Variants in MIER3 observed in about 807,000 individuals in gnomAD.
MIER3 encodes MIER family member 3, also known as mesoderm induction early response protein 3.
MIER3 carries 9 observed loss-of-function variants against 63.2 expected under a neutral mutation model. That is an observed-to-expected ratio of 0.14 (90% confidence interval 0.09 to 0.25). The LOEUF is 0.25. MIER3 is among the 10% of genes least tolerant of loss of function. The pLI, the probability that MIER3 is intolerant of heterozygous loss-of-function variation, is 1.00. For synonymous variants in MIER3, 205 were observed against 224.9 expected (o/e 0.91, Z 0.79); for missense variants, 512 against 666.2 (o/e 0.77, Z 2.55).
At chr5:56,933,087 A>G (rs1750328023) in intron 8 of MIER3, among the ~76,000 whole-genome samples, 160 bp downstream of exon 8, 2 of 152,240 alleles carry the variant, frequency 1.3e-5, no homozygotes, top group African/African-American at 4.8e-5. Flanking sequence ...AGTTATCTCT[A>G]GAACTCAAGG....
chr5:56,929,151 T>G (rs139664556), intron 9 of MIER3: 3 of 250,238 alleles, frequency 1.2e-5, no homozygotes, highest in African/African-American at 6.6e-5. Context: ...AAGTTTTCTA[T>G]AACATGCCTG....
chr5:56,951,827 G>A (rs1436393340), intron 1 of MIER3, among the ~76,000 whole-genome samples: 1 of 151,386 alleles, frequency 6.6e-6, no homozygotes, highest in Non-Finnish European at 1.5e-5. Context: ...GCAGCCGGCC[G>A]CCACCTCCGT....
rs538307895 is a variant in MIER3 at position 56,939,863 on chromosome 5, T to C, written c.181-846A>G. Reference sequence around the variant, plus strand: ...GCACATACAGCTGTGGTAGGAATAATATGCTACACCATATAGCCTAGGTGT... The same window carrying C: ...GCACATACAGCTGTGGTAGGAATAACATGCTACACCATATAGCCTAGGTGT... On this transcript the variant is annotated intron_variant, in intron 3 of 12. Transcript: ENST00000381199. Among the ~76,000 whole-genome samples, 5 of 152,320 alleles carry C rather than the reference T, an allele frequency of 3.3e-5. No individual in the cohort carries two copies. In the East Asian group the frequency reaches 9.6e-4, roughly 29 times the overall value.
intron 5 of MIER3, among the ~76,000 whole-genome samples, chr5:56,937,180 A>G (rs1337810236): frequency 1.3e-5 from 2 of 152,092 alleles, no homozygotes; most frequent in Admixed American, 6.5e-5. Flanking sequence ...GGTTCAAGTG[A>G]TTCTCGTGCC....
At chr5:56,943,463 G>C (rs1750721506) in intron 3 of MIER3, among the ~76,000 whole-genome samples, 1 of 152,100 alleles carries the variant, frequency 6.6e-6, no homozygotes, top group East Asian at 1.9e-4. Flanking sequence ...ACATGTGAGG[G>C]AGACAGGAGG....
At chr5:56,939,727 G>A (rs1252979321) in intron 3 of MIER3, among the ~76,000 whole-genome samples, 1 of 152,118 alleles carries the variant, frequency 6.6e-6, no homozygotes, top group Non-Finnish European at 1.5e-5. Context: ...CCTACGCCAT[G>A]CCTCACAGTG....
chr5:56,950,146 C>CTT (rs1750968803), intron 2 of MIER3, among the ~76,000 whole-genome samples: 1 of 152,210 alleles, frequency 6.6e-6, no homozygotes, highest in African/African-American at 2.4e-5. Context: ...ATTAAGGTAG[C>CTT]TTTACCTCTC....
chr5:56,924,420 C>T (rs1191162471), intron 10 of MIER3, among the ~76,000 whole-genome samples: 1 of 152,162 alleles, frequency 6.6e-6, no homozygotes, highest in East Asian at 1.9e-4. Context: ...GATTAACTAA[C>T]CCCTGAGGGG....
chr5:56,935,535 A>T lies in MIER3; in HGVS notation c.523-35T>A. On this transcript the variant is annotated intron_variant, in intron 6 of 12. Coordinates refer to ENST00000381199, the MANE Select transcript of MIER3 (RefSeq NM_001297599.2). The stretch of plus-strand genomic sequence containing the variant: ...AATTGAGAGGTAAAAATAACTTATT[A>T]AAAAAAAAATACTGAAAAAAAGCCC... The T allele has an allele frequency of 3.3e-6, 4 of 1,201,116 alleles. No individual in the cohort carries two copies. The Middle Eastern group carries it at 6.6e-4, about 197-fold the overall frequency. 74.4% of individuals were successfully genotyped at this position (1,201,116 alleles called of 1,614,324 possible).
At chr5:56,938,184 G>A (rs1579853943) in intron 4 of MIER3, 1 of 459,174 alleles carries the variant, frequency 2.2e-6, no homozygotes, top group Non-Finnish European at 4.5e-6. Flanking sequence ...AGTCATCCTT[G>A]TGCCTAGCAC....
chr5:56,929,011 T>TCTCACACACACACACACACACA, intron 9 of MIER3, 150 bp from the exon 10 acceptor site: 1 of 165,722 alleles, frequency 6.0e-6, no homozygotes, highest in South Asian at 1.2e-4. Flanking sequence ...ACACACTCTC[T>TCTCACACACACACACACACACA]CTCTCTCTCT....
At chr5:56,934,453 A>G (rs1324310263) in intron 7 of MIER3, among the ~76,000 whole-genome samples, 4 of 152,218 alleles carry the variant, frequency 2.6e-5, no homozygotes, top group African/African-American at 4.8e-5. Context: ...CACTGACAGA[A>G]TATCACCTCT....
intron 2 of MIER3, chr5:56,947,297 G>A: frequency 2.3e-6 from 1 of 430,874 alleles, no homozygotes; most frequent in Non-Finnish European, 4.0e-6. Flanking sequence ...CTTTTATAAG[G>A]GGTTTAGTCC....
At chr5:56,926,189 AT>A (rs754337300) in intron 10 of MIER3, among the ~76,000 whole-genome samples, 1 of 152,156 alleles carries the variant, frequency 6.6e-6, no homozygotes, top group Non-Finnish European at 1.5e-5. Context: ...AGGTTTGGCA[AT>A]GATTTTTTTA....
At chr5:56,933,906 G>T (rs1304761760) in intron 7 of MIER3, among the ~76,000 whole-genome samples, 6 of 151,836 alleles carry the variant, frequency 4.0e-5, no homozygotes, top group Admixed American at 1.3e-4. Flanking sequence ...TTATTTAAAG[G>T]AGAAAATAGA....
At chr5:56,934,748 T>C (rs780277691) in intron 7 of MIER3, among the ~76,000 whole-genome samples, 1 of 152,156 alleles carries the variant, frequency 6.6e-6, no homozygotes, top group Non-Finnish European at 1.5e-5. Context: ...TCAGGAAGTA[T>C]TGTGTTGGGT....
At chr5:56,933,485 C>A in intron 7 of MIER3, 87 bp from the exon 8 acceptor site, 1 of 1,256,832 alleles carries the variant, frequency 8.0e-7, no homozygotes, top group Non-Finnish European at 1.1e-6. Context: ...CCTTGATTGG[C>A]TATCCAGTGG....
At chr5:56,945,660 C>T (rs1180051815) in intron 3 of MIER3, among the ~76,000 whole-genome samples, 1 of 152,142 alleles carries the variant, frequency 6.6e-6, no homozygotes, top group African/African-American at 2.4e-5. Flanking sequence ...TTTTCCATAA[C>T]ACGACGTACT....
At chr5:56,949,130 C>G (rs374648838) in intron 2 of MIER3, among the ~76,000 whole-genome samples, 1 of 152,016 alleles carries the variant, frequency 6.6e-6, no homozygotes, top group East Asian at 1.9e-4. Flanking sequence ...CCGAGGCAGG[C>G]GGATCACTTG....
Sources: allele counts gnomAD v4.1 joint callset (sites outside exome capture counted in the v4.1 genomes callset), GRCh38; gene constraint gnomAD v4.1.1; transcripts MANE v1.5; gene names NCBI Gene and HGNC (gene_info 2026-07-23, HGNC 2026-07-21).